Variants in FRMD4A observed in about 807,000 individuals in gnomAD.
FRMD4A encodes FERM domain-containing protein 4A.
In FRMD4A, 29 loss-of-function variants were observed where a neutral mutation model predicts 129.1. The observed-to-expected ratio is 0.22, with a 90% CI of 0.17 to 0.31. FRMD4A has a LOEUF of 0.31. Among genes scored for constraint, FRMD4A ranks in the 10% least tolerant of loss-of-function variants. The pLI, the probability that FRMD4A is intolerant of heterozygous loss-of-function variation, is 1.00. For synonymous variants in FRMD4A, 634 were observed against 571.6 expected (o/e 1.11, Z -1.56); for missense variants, 1,272 against 1,375.8 (o/e 0.92, Z 1.19).
At chr10:14,017,473 A>G (rs1275409968) in intron 2 of FRMD4A, among the ~76,000 whole-genome samples, 1 of 152,196 alleles carries the variant, frequency 6.6e-6, no homozygotes, top group African/African-American at 2.4e-5. Flanking sequence ...AAACAGAGCC[A>G]ATAGCTGTTG....
intron 2 of FRMD4A, among the ~76,000 whole-genome samples, chr10:14,158,602 T>A (rs1180713662): frequency 6.8e-6 from 1 of 147,224 alleles, no homozygotes; most frequent in Non-Finnish European, 1.5e-5. Flanking sequence ...ACAGACAGAG[T>A]GAGACCCCAT....
At chr10:13,963,186 GAA>G (rs1437253710) in intron 2 of FRMD4A, among the ~76,000 whole-genome samples, 1 of 149,592 alleles carries the variant, frequency 6.7e-6, no homozygotes, top group Non-Finnish European at 1.5e-5. Flanking sequence ...ATGAATGCCT[GAA>G]AAAAACTAAA....
At chr10:14,265,819 T>C (rs1202193623) in intron 2 of FRMD4A, among the ~76,000 whole-genome samples, 4 of 152,222 alleles carry the variant, frequency 2.6e-5, no homozygotes, top group African/African-American at 9.6e-5. Context: ...CTGTATGTAC[T>C]GTTGGTTGCC....
chr10:14,182,889 G>C (rs1394059793), intron 2 of FRMD4A, among the ~76,000 whole-genome samples: 2 of 152,196 alleles, frequency 1.3e-5, no homozygotes, highest in Non-Finnish European at 2.9e-5. Context: ...GTTGGGAGAA[G>C]TACTCATTTC....
intron 6 of FRMD4A, among the ~76,000 whole-genome samples, chr10:13,768,985 ATTTTTT>A (rs10558942): frequency 9.7e-6 from 1 of 103,330 alleles, no homozygotes; most frequent in Non-Finnish European, 1.9e-5. Context: ...ACTTTACTAG[ATTTTTT>A]TTTTTTTTTT....
intron 2 of FRMD4A, among the ~76,000 whole-genome samples, chr10:13,934,835 A>C (rs2095235030): frequency 2.0e-5 from 3 of 152,346 alleles, no homozygotes; most frequent in South Asian, 4.1e-4. Context: ...CTATAACAAA[A>C]TGCCTTAGAC....
rs749929443 is a variant in FRMD4A at position 14,302,585 on chromosome 10, AC to A, written c.45+27472del. Among the ~76,000 whole-genome samples the A allele has an allele frequency of 2.2e-4, 34 of 152,328 alleles. No individual in the cohort carries two copies. In the South Asian group the frequency reaches 2.3e-3, roughly 10 times the overall value. On this transcript the variant is annotated intron_variant, in intron 2 of 24. Transcript: ENST00000357447. ...GTTTTTATGAGGATTAAATCAGCTA[AC>A]ACACACGGACTTCTTAGAATAATGC...
intron 2 of FRMD4A, among the ~76,000 whole-genome samples, chr10:14,227,409 C>T (rs1452717985): frequency 1.3e-5 from 2 of 151,676 alleles, no homozygotes; most frequent in Non-Finnish European, 2.9e-5. Flanking sequence ...GTACCACTAA[C>T]CCCGGCTAAT....
At chr10:13,868,782 G>A (rs879574735) in intron 2 of FRMD4A, among the ~76,000 whole-genome samples, 2 of 152,132 alleles carry the variant, frequency 1.3e-5, no homozygotes, top group South Asian at 2.1e-4. Flanking sequence ...CTGGGCAACC[G>A]AGTGAGATCC....
Position 13,651,950 on chromosome 10 carries a change from A to C in FRMD4A, c.3075T>G (p.Ile1025Met), listed in dbSNP as rs2081643282. 2 of 1,596,302 alleles carry C rather than the reference A, an allele frequency of 1.3e-6. No individual in the cohort carries two copies. The highest frequency in any genetic ancestry group is 1.3e-5 in the African/African-American group (1 of 74,654). The change falls in exon 24 of 25, where the codon ATT (isoleucine) becomes ATG (methionine). Residue 1025 changes from isoleucine (I) to methionine (M), a missense_variant. Ile to Met is a conservative substitution (Grantham distance 10). Transcript: ENST00000357447. Reference sequence around the variant, plus strand: ...GAGGTGGAGACTCAGACCCATCCAGAATGGGTGAGTTTTCTGTTGCTTCTC... The same window carrying C: ...GAGGTGGAGACTCAGACCCATCCAGCATGGGTGAGTTTTCTGTTGCTTCTC... ...QTGEATENSP[I>M]LDGSESPPHQ... is the part of the protein sequence containing the mutation.
chr10:14,118,295 C>CT (rs1838306078), intron 2 of FRMD4A, among the ~76,000 whole-genome samples: 2 of 152,190 alleles, frequency 1.3e-5, no homozygotes, highest in South Asian at 4.2e-4. Context: ...GAGAGAGAGC[C>CT]GTTCTTGGTA....
At position 14,020,722 on chromosome 10, in the gene FRMD4A, G is replaced by A. The variant is rs561286562; in HGVS notation, c.46-161810C>T. The stretch of plus-strand genomic sequence containing the variant: ...CTAGGGAAGCCAGCAGGAGCACAGG[G>A]CTCCTGCAATTTTGGTAGCAGGAGA... On this transcript the variant is annotated intron_variant, in intron 2 of 24. Transcript: ENST00000357447. 4.3e-3 allele frequency among the ~76,000 whole-genome samples: 654 copies of A among 152,196 alleles called. 3 individuals are homozygous for A. The highest frequency in any genetic ancestry group is 5.3e-3 in the Non-Finnish European group (362 of 67,992).
chr10:13,806,806 A>G (rs2093364101), intron 4 of FRMD4A, among the ~76,000 whole-genome samples: 1 of 152,052 alleles, frequency 6.6e-6, no homozygotes, highest in Admixed American at 6.6e-5. Flanking sequence ...AGCAAAATAT[A>G]AATACTTTTT....
At chr10:13,807,361 T>C (rs760337732) in intron 4 of FRMD4A, among the ~76,000 whole-genome samples, 1 of 152,246 alleles carries the variant, frequency 6.6e-6, no homozygotes, top group Non-Finnish European at 1.5e-5. Context: ...TAGTTAGTAA[T>C]ATAATGCCAA....
At chr10:13,983,792 G>A (rs2095570884) in intron 2 of FRMD4A, among the ~76,000 whole-genome samples, 1 of 151,914 alleles carries the variant, frequency 6.6e-6, no homozygotes, top group South Asian at 2.1e-4. Flanking sequence ...CTTAGGTCAG[G>A]AGTTCGAGAC....
At chr10:13,954,521 T>C (rs1050095226) in intron 2 of FRMD4A, among the ~76,000 whole-genome samples, 2 of 152,156 alleles carry the variant, frequency 1.3e-5, no homozygotes, top group African/African-American at 4.8e-5. Context: ...ATGGGAATTG[T>C]GGGAGCTACA....
At chr10:13,756,522 C>T (rs1272988847) in intron 8 of FRMD4A, among the ~76,000 whole-genome samples, 1 of 152,086 alleles carries the variant, frequency 6.6e-6, no homozygotes, top group Non-Finnish European at 1.5e-5. Context: ...CCACCATGCC[C>T]GACTAATTGT....
chr10:13,823,920 C>T (rs375020094), intron 3 of FRMD4A, among the ~76,000 whole-genome samples: 63 of 152,262 alleles, frequency 4.1e-4, no homozygotes, highest in African/African-American at 2.2e-4. Flanking sequence ...GTGTAACGGA[C>T]GGAAGGTGTG....
chr10:13,701,321 G>C lies in FRMD4A; in HGVS notation c.975+19C>G. ...AGGCAGACAATGGCCCGGGCTTGGT[G>C]AGAGGTCTGGTCACTCACCTTACTC... On this transcript the variant is annotated intron_variant, in intron 14 of 24. Coordinates refer to ENST00000357447, the MANE Select transcript of FRMD4A (RefSeq NM_018027.5). 1 of 1,606,726 alleles carries C rather than the reference G, an allele frequency of 6.2e-7. No homozygotes were observed. The highest frequency in any genetic ancestry group is 8.5e-7 in the Non-Finnish European group (1 of 1,175,188).
Sources: gnomAD v4.1 joint callset for allele counts (sites outside exome capture counted in the v4.1 genomes callset) on GRCh38, gnomAD v4.1.1 for gene constraint, MANE v1.5 for transcripts, NCBI Gene and HGNC (gene_info 2026-07-23, HGNC 2026-07-21) for gene names.